The following RAB11FIP3 variants were observed in gnomAD, a reference collection of about 807,000 sequenced individuals.
The protein encoded by RAB11FIP3 is RAB11 family interacting protein 3.
In RAB11FIP3, 17 loss-of-function variants were observed where a neutral mutation model predicts 77.8. The observed-to-expected ratio is 0.22, with a 90% CI of 0.15 to 0.33. The LOEUF (loss-of-function observed/expected upper bound fraction) is 0.33. RAB11FIP3 is among the 10% of genes least tolerant of loss of function. The pLI, the probability that RAB11FIP3 is intolerant of heterozygous loss-of-function variation, is 1.00. For missense variants in RAB11FIP3, 1,005 were observed against 1,011.2 expected (o/e 0.99, Z 0.08); for synonymous variants, 437 against 448.2 (o/e 0.98, Z 0.31).
intron 1 of RAB11FIP3, among the ~76,000 whole-genome samples, chr16:459,843 T>G (rs2055573283): frequency 6.6e-6 from 1 of 152,046 alleles, no homozygotes; most frequent in South Asian, 2.1e-4. Flanking sequence ...TCTATTTAAG[T>G]TTTTTGCCCA....
chr16:434,589 C>A (rs7205883), intron 1 of RAB11FIP3, among the ~76,000 whole-genome samples: 23,409 of 151,852 alleles, frequency 0.15, 3,084 homozygotes, highest in African/African-American at 0.36. Flanking sequence ...ACCACACCTG[C>A]CTAATTTTTC....
intron 5 of RAB11FIP3, among the ~76,000 whole-genome samples, chr16:492,396 C>CGGGAGA (rs1567392013): frequency 7.6e-5 from 11 of 144,744 alleles, no homozygotes; most frequent in South Asian, 4.4e-4. Flanking sequence ...AGAGCCCTCC[C>CGGGAGA]CGGGAGACCC....
At chr16:457,412 C>T (rs2055521444) in intron 1 of RAB11FIP3, among the ~76,000 whole-genome samples, 1 of 152,072 alleles carries the variant, frequency 6.6e-6, no homozygotes, top group East Asian at 1.9e-4. Flanking sequence ...GCGGTGCTGG[C>T]TGGCTTTGGC....
chr16:439,100 T>C (rs541804927), intron 1 of RAB11FIP3, among the ~76,000 whole-genome samples: 2 of 152,348 alleles, frequency 1.3e-5, no homozygotes, highest in East Asian at 1.9e-4. Flanking sequence ...CCTCCCGCCT[T>C]AGCCTCCTCT....
In RAB11FIP3 at chr16:425,661, C is replaced by A; in HGVS notation, c.-346C>A. The A allele has an allele frequency of 4.5e-6, 1 of 224,298 alleles. No homozygotes were observed. The highest frequency in any genetic ancestry group is 1.7e-4 in the South Asian group (1 of 5,896). 13.9% of individuals were successfully genotyped at this position (224,298 alleles called of 1,614,324 possible). A position where few individuals can be genotyped will look rare whatever the true frequency, so the allele number is the denominator to read the frequency against. ...CCTCAGGCGCCTCAGCCTCCTTAGT[C>A]TCCTCATCCTGCTTCACAGGCTCCG... On this transcript the variant is annotated 5_prime_UTR_variant, in exon 1 of 14. Coordinates refer to ENST00000262305, the MANE Select transcript of RAB11FIP3 (RefSeq NM_014700.4).
chr16:510,495 G>A lies in RAB11FIP3; in HGVS notation c.1500-165G>A, dbSNP rs78446618. The A allele has an allele frequency of 2.1e-3, 1,637 of 774,086 alleles. 16 individuals carry two copies. The African/African-American group carries it at 0.024, about 12-fold the overall frequency. 48.0% of individuals were successfully genotyped at this position (774,086 alleles called of 1,614,324 possible). A position where few individuals can be genotyped will look rare whatever the true frequency, so the allele number is the denominator to read the frequency against. ...GGCGAGGCCATCTGGGGGTGTATTCGCTGCTTCAGAACTGCCTTGACCAGA... is the reference window on the plus strand; with the variant it reads ...GGCGAGGCCATCTGGGGGTGTATTCACTGCTTCAGAACTGCCTTGACCAGA... On this transcript the variant is annotated intron_variant, in intron 8 of 13. Transcript: ENST00000262305.
rs111812873 is a variant in RAB11FIP3 at position 479,760 on chromosome 16, A to G, written c.904-2765A>G. 3.9e-3 allele frequency among the ~76,000 whole-genome samples: 595 copies of G among 152,130 alleles called. 4 individuals are homozygous for G. The highest frequency in any genetic ancestry group is 0.014 in the African/African-American group (562 of 41,504). On this transcript the variant is annotated intron_variant, in intron 3 of 13. Transcript: ENST00000262305. ...AACAAGGCAAAACTCCATTTCTACA[A>G]AATTTCAAAAAATTAGGCATGGTGG...
chr16:457,637 T>C (rs985815789), intron 1 of RAB11FIP3, among the ~76,000 whole-genome samples: 6 of 152,062 alleles, frequency 3.9e-5, no homozygotes, highest in Non-Finnish European at 8.8e-5. Context: ...ATAATTAAAA[T>C]GGAGTTTTAA....
chr16:447,040 C>G (rs114793034), intron 1 of RAB11FIP3, among the ~76,000 whole-genome samples: 7,281 of 151,908 alleles, frequency 0.048, 604 homozygotes, highest in African/African-American at 0.16. Flanking sequence ...TGTGATGGCT[C>G]ACAGCTATAG....
intron 9 of RAB11FIP3, among the ~76,000 whole-genome samples, chr16:513,381 G>A (rs2032270492): frequency 6.6e-6 from 1 of 151,668 alleles, no homozygotes; most frequent in Non-Finnish European, 1.5e-5. Context: ...TATCATACCT[G>A]GCTAACTTTT....
At chr16:450,225 A>C (rs770612725) in intron 1 of RAB11FIP3, among the ~76,000 whole-genome samples, 1 of 152,054 alleles carries the variant, frequency 6.6e-6, no homozygotes, top group Non-Finnish European at 1.5e-5. Context: ...GCTGGAGTGC[A>C]GTGGAACAAT....
In RAB11FIP3 at chr16:443,698, T is replaced by G. The variant is rs547393531; in HGVS notation, c.714+16978T>G. Among the ~76,000 whole-genome samples the G allele has an allele frequency of 1.2e-4, 18 of 152,250 alleles. No homozygotes were observed. In the East Asian group the frequency reaches 2.7e-3, roughly 23 times the overall value. On this transcript the variant is annotated intron_variant, in intron 1 of 13. Transcript: ENST00000262305. Reference sequence around the variant, plus strand: ...CTCCTGCCTCAGCCTCCCGAATAGCTGGGACTACAGGCGCCCGCTACCACG... The same window carrying G: ...CTCCTGCCTCAGCCTCCCGAATAGCGGGGACTACAGGCGCCCGCTACCACG...
At chr16:431,944 AG>A (rs1463596627) in intron 1 of RAB11FIP3, among the ~76,000 whole-genome samples, 2 of 151,746 alleles carry the variant, frequency 1.3e-5, no homozygotes, top group African/African-American at 2.4e-5. Context: ...TTTTTATTAG[AG>A]ATGAGGTTTC....
At position 519,666 on chromosome 16, in the gene RAB11FIP3, CAG is replaced by C. The variant is rs2032579679; in HGVS notation, c.1723-84_1723-83del. The C allele has an allele frequency of 3.3e-6, 5 of 1,530,462 alleles. No homozygotes were observed. In the African/African-American group the frequency reaches 6.8e-5, roughly 21 times the overall value. 94.8% of individuals were successfully genotyped at this position (1,530,462 alleles called of 1,614,324 possible). On this transcript the variant is annotated intron_variant, in intron 10 of 13. Transcript: ENST00000262305. ...GCCACCGCGTTGCTGTTGGGAGACTCAGAGATTGGAGGGACAGACGGCCGGGG... is the reference window on the plus strand; with the variant it reads ...GCCACCGCGTTGCTGTTGGGAGACTCAGATTGGAGGGACAGACGGCCGGGG...
At chr16:433,554 A>G (rs951670729) in intron 1 of RAB11FIP3, among the ~76,000 whole-genome samples, 3 of 151,754 alleles carry the variant, frequency 2.0e-5, no homozygotes, top group African/African-American at 7.3e-5. Context: ...TTACGTGGCC[A>G]AATAGTACTC....
intron 9 of RAB11FIP3, among the ~76,000 whole-genome samples, chr16:512,539 CTTT>C (rs766027431): frequency 9.5e-6 from 1 of 105,600 alleles, no homozygotes; most frequent in African/African-American, 3.9e-5. Context: ...CGCGCCCGGC[CTTT>C]TTTTTTTTTT....
At position 435,745 on chromosome 16, in the gene RAB11FIP3, T is replaced by TA. The variant is rs561574926; in HGVS notation, c.714+9033dup. ...TCAAACAGTACAGAAGGGAATCTAG[T>TA]AAAAAAAATCATTACAGTTGGTAGA... On this transcript the variant is annotated intron_variant, in intron 1 of 13. Transcript: ENST00000262305. Among the ~76,000 whole-genome samples, 144 of 151,742 alleles carry TA rather than the reference T, an allele frequency of 9.5e-4. 2 individuals carry two copies. In the East Asian group the frequency reaches 0.015, roughly 15 times the overall value.
At chr16:515,747 G>C (rs1369120096) in intron 9 of RAB11FIP3, among the ~76,000 whole-genome samples, 2 of 152,068 alleles carry the variant, frequency 1.3e-5, no homozygotes, top group Non-Finnish European at 2.9e-5. Context: ...GTTGGGGTTT[G>C]CATCTCGGAA....
At chr16:459,780 G>C (rs1430591051) in intron 1 of RAB11FIP3, among the ~76,000 whole-genome samples, 1 of 151,554 alleles carries the variant, frequency 6.6e-6, no homozygotes, top group Non-Finnish European at 1.5e-5. Flanking sequence ...AGGACTAATT[G>C]AGCATTTTTT....
Sources: allele counts gnomAD v4.1 joint callset (sites outside exome capture counted in the v4.1 genomes callset), GRCh38; gene constraint gnomAD v4.1.1; transcripts MANE v1.5; gene names NCBI Gene and HGNC (gene_info 2026-07-23, HGNC 2026-07-21).